The following CCSAP variants were observed in gnomAD, a reference collection of about 807,000 sequenced individuals.
The protein encoded by CCSAP is centriole, cilia and spindle-associated protein.
CCSAP carries 17 observed loss-of-function variants against 25.9 expected under a neutral mutation model. The observed-to-expected ratio is 0.66, with a 90% confidence interval of 0.45 to 0.99. The LOEUF is 0.99. Ranked by LOEUF, CCSAP falls within the 50% of genes least tolerant of loss-of-function variation. The pLI is 0.00. For missense variants in CCSAP, 339 were observed against 367.8 expected (o/e 0.92, Z 0.64); for synonymous variants, 169 against 157.1 (o/e 1.08, Z -0.57).
In CCSAP at chr1:229,322,960, A is replaced by G. The variant is rs555240675; in HGVS notation, c.*2275T>C. The G allele has an allele frequency of 6.6e-6, 1 of 152,354 alleles. No homozygotes were observed. Among genetic ancestry groups the G allele is most frequent in the African/African-American group, 2.4e-5 (1 of 41,576 alleles). 9.4% of individuals were successfully genotyped at this position (152,354 alleles called of 1,614,324 possible). ...CTTGCAGGTTGTCCCAAGAATTAGG[A>G]ACATGATTACAACCACATTCATTTC... On this transcript the variant is annotated 3_prime_UTR_variant, in exon 4 of 4. Transcript: ENST00000284617.
At chr1:229,336,713 G>A (rs182130080) in intron 2 of CCSAP, among the ~76,000 whole-genome samples, 59 of 152,298 alleles carry the variant, frequency 3.9e-4, no homozygotes, top group African/African-American at 1.4e-3. Flanking sequence ...GTAAGGAAGA[G>A]ACCAAAATTA....
intron 2 of CCSAP, among the ~76,000 whole-genome samples, chr1:229,331,465 A>C (rs567369663): frequency 2.6e-5 from 4 of 152,178 alleles, no homozygotes; most frequent in Non-Finnish European, 5.9e-5. Flanking sequence ...AGTGTATATA[A>C]GTGTGGTATT....
chr1:229,339,550 T>G lies in CCSAP; in HGVS notation c.367+2549A>C, dbSNP rs150079115. Among the ~76,000 whole-genome samples, 628 of 150,480 alleles carry G rather than the reference T, an allele frequency of 4.2e-3. 15 individuals carry two copies. Among genetic ancestry groups the G allele is most frequent in the Admixed American group, 0.026 (388 of 15,142 alleles). On this transcript the variant is annotated intron_variant, in intron 2 of 3. Transcript: ENST00000284617. Reference sequence around the variant, plus strand: ...GGGTAAACCAAGAAAGAAAATGACATGAAAGGCACACGACAGAGACTCAAA... The same window carrying G: ...GGGTAAACCAAGAAAGAAAATGACAGGAAAGGCACACGACAGAGACTCAAA...
At chr1:229,333,186 A>G (rs769910603) in intron 2 of CCSAP, among the ~76,000 whole-genome samples, 6 of 152,184 alleles carry the variant, frequency 3.9e-5, no homozygotes, top group Admixed American at 6.5e-5. Flanking sequence ...TAATCCCAGC[A>G]CTTTGGGAGG....
rs1664416101 is a variant in CCSAP, at chr1:229,323,570, C to T, written c.*1665G>A. 1 of 152,150 alleles carries T rather than the reference C, an allele frequency of 6.6e-6. No homozygotes were observed. The highest frequency in any genetic ancestry group is 6.5e-5 in the Admixed American group (1 of 15,280). 9.4% of individuals were successfully genotyped at this position (152,150 alleles called of 1,614,324 possible). ...TTAAAGACTTTAATAATAGTTAATA[C>T]CAAAATTCACCAGTTACTAGCAAGG... is the stretch of plus-strand genomic sequence containing the variant. On this transcript the variant is annotated 3_prime_UTR_variant, in exon 4 of 4. Coordinates refer to ENST00000284617, the MANE Select transcript of CCSAP (RefSeq NM_145257.5).
chr1:229,333,578 A>C (rs573967318), intron 2 of CCSAP, among the ~76,000 whole-genome samples: 1 of 151,776 alleles, frequency 6.6e-6, no homozygotes, highest in Admixed American at 6.6e-5. Context: ...CAAACTGGAC[A>C]CTTTAAATCA....
chr1:229,342,564 C>A lies in CCSAP; in HGVS notation c.-48-51G>T. 1 of 820,216 alleles carries A rather than the reference C, an allele frequency of 1.2e-6. No individual in the cohort carries two copies. The highest frequency in any genetic ancestry group is 1.6e-6 in the Non-Finnish European group (1 of 611,610). 50.8% of individuals were successfully genotyped at this position (820,216 alleles called of 1,614,324 possible). ...AGGCCGCCCCGCCCCTCCGCCGGCC[C>A]TGCCCGCCGCGACGTTTAAACCCGG... On this transcript the variant is annotated intron_variant, in intron 1 of 3. Coordinates refer to ENST00000284617, the MANE Select transcript of CCSAP (RefSeq NM_145257.5). This position sits in a 1 kb window ranked among gnomAD's most constrained non-coding sequence, Gnocchi z 7.5.
In CCSAP at chr1:229,322,127, T is replaced by C. The variant is rs1366041372; in HGVS notation, c.*3108A>G. ...TGCCCCATGGATACTGAGAGGCGACTGTACCATAACATTCCATTTACAAAG... is the reference window on the plus strand; with the variant it reads ...TGCCCCATGGATACTGAGAGGCGACCGTACCATAACATTCCATTTACAAAG... On this transcript the variant is annotated 3_prime_UTR_variant, in exon 4 of 4. Coordinates refer to ENST00000284617, the MANE Select transcript of CCSAP (RefSeq NM_145257.5). 1.3e-5 allele frequency: 2 copies of C among 152,202 alleles called. No individual in the cohort carries two copies. The highest frequency in any genetic ancestry group is 3.8e-4 in the East Asian group (2 of 5,198). The allele number at this position is 152,202 out of a possible 1,614,324, so 9.4% of individuals were successfully genotyped here. A position where few individuals can be genotyped will look rare whatever the true frequency, so the allele number is the denominator to read the frequency against.
rs1657811140 is a variant in CCSAP at position 229,321,221 on chromosome 1, CTAAA to C, written c.*4010_*4013del. The C allele has an allele frequency of 6.6e-6, 1 of 152,168 alleles. No individual in the cohort carries two copies. Among genetic ancestry groups the C allele is most frequent in the South Asian group, 2.1e-4 (1 of 4,828 alleles). 9.4% of individuals were successfully genotyped at this position (152,168 alleles called of 1,614,324 possible). On this transcript the variant is annotated 3_prime_UTR_variant, in exon 4 of 4. Transcript: ENST00000284617. Reference sequence around the variant, plus strand: ...TTACGATAGCACAGGGAAACCTTCCCTAAATAAAGTTTTGTTATTAGAAGAGAAA... The same window carrying C: ...TTACGATAGCACAGGGAAACCTTCCCTAAAGTTTTGTTATTAGAAGAGAAA...
Position 229,342,191 on chromosome 1 carries a change from T to C in CCSAP, c.275A>G (p.Glu92Gly). ...PPPVEPATQE[E>G]AERRARGAPE... ...GGCCCCGCGCGCCCGCCGTTCCGCC[T>C]CCTCCTGGGTCGCCGGCTCTACGGG... is the stretch of plus-strand genomic sequence containing the variant. The change falls in exon 2 of 4, where the codon GAG becomes GGG. Residue 92 changes from glutamate to glycine, a missense_variant. By Grantham distance (98) the Glu-to-Gly change is moderately conservative (BLOSUM62 -2). Coordinates refer to ENST00000284617, the MANE Select transcript of CCSAP (RefSeq NM_145257.5). This position sits in a 1 kb window ranked among gnomAD's most constrained non-coding sequence, Gnocchi z 7.5. The C allele has an allele frequency of 7.9e-7, 1 of 1,262,936 alleles. No homozygotes were observed. The highest frequency in any genetic ancestry group is 3.0e-5 in the South Asian group (1 of 33,490). The allele number at this position is 1,262,936 out of a possible 1,614,324, so 78.2% of individuals were successfully genotyped here.
In CCSAP at chr1:229,337,681, AT is replaced by A. The variant is rs1402269708; in HGVS notation, c.367+4417del. On this transcript the variant is annotated intron_variant, in intron 2 of 3. Coordinates refer to ENST00000284617, the MANE Select transcript of CCSAP (RefSeq NM_145257.5). ...CAAGATCAAAGGCTCAAAAAAAAAT[AT>A]ATATATATATATATATACACATACA... Among the ~76,000 whole-genome samples, 296 of 75,198 alleles carry A rather than the reference AT, an allele frequency of 3.9e-3. 19 individuals carry two copies. The highest frequency in any genetic ancestry group is 5.7e-3 in the Non-Finnish European group (202 of 35,598). The allele number at this position is 75,198 out of a possible 152,430, so 49.3% of individuals were successfully genotyped here.
At position 229,342,995 on chromosome 1, in the gene CCSAP, CCG is replaced by C. The variant is rs1271567112; in HGVS notation, c.-134_-133del. On this transcript the variant is annotated 5_prime_UTR_variant, in exon 1 of 4. Transcript: ENST00000284617. This position sits in a 1 kb window ranked among gnomAD's most constrained non-coding sequence, Gnocchi z 7.5. ...AGCAGCTAAAGCGCAGCTCGCTCTC[CCG>C]CGCGCTTTCCTCCTGAGCAAGATGT... The C allele has an allele frequency of 6.6e-6, 1 of 152,366 alleles. No homozygotes were observed. The highest frequency in any genetic ancestry group is 1.5e-5 in the Non-Finnish European group (1 of 68,064). The allele number at this position is 152,366 out of a possible 1,614,324, so 9.4% of individuals were successfully genotyped here.
In CCSAP at chr1:229,342,387, A is replaced by C. The variant is rs1231853796; in HGVS notation, c.79T>G (p.Tyr27Asp). Reference sequence around the variant, plus strand: ...AGGCGGTAGTGCAGCAGCTCGCGGTAGCACGGCCCGTACTCCTCCCAGCGC... The same window carrying C: ...AGGCGGTAGTGCAGCAGCTCGCGGTCGCACGGCCCGTACTCCTCCCAGCGC... Reference protein sequence around the residue: ...EPRWEEYGPCYRELLHYRLGR... With the variant: ...EPRWEEYGPCDRELLHYRLGR... The change falls in exon 2 of 4, where the codon TAC becomes GAC. Residue 27 changes from tyrosine to aspartate, a missense_variant. Transcript: ENST00000284617. The surrounding 1 kb of genome is among the most constrained non-coding windows in gnomAD (Gnocchi z 7.5). 1 of 1,503,714 alleles carries C rather than the reference A, an allele frequency of 6.7e-7. No individual in the cohort carries two copies. The highest frequency in any genetic ancestry group is 8.9e-7 in the Non-Finnish European group (1 of 1,123,784). The allele number at this position is 1,503,714 out of a possible 1,614,324, so 93.1% of individuals were successfully genotyped here. A position where few individuals can be genotyped will look rare whatever the true frequency, so the allele number is the denominator to read the frequency against.
intron 2 of CCSAP, among the ~76,000 whole-genome samples, chr1:229,335,557 C>T (rs1658177285): frequency 1.3e-5 from 2 of 152,132 alleles, no homozygotes; most frequent in South Asian, 4.2e-4. Flanking sequence ...TAATAACTTC[C>T]CCAGTGAAGG....
Position 229,342,523 on chromosome 1 carries a change from C to G in CCSAP, c.-48-10G>C, listed in dbSNP as rs909122490. On this transcript the variant is annotated splice_polypyrimidine_tract_variant and intron_variant, in intron 1 of 3. Coordinates refer to ENST00000284617, the MANE Select transcript of CCSAP (RefSeq NM_145257.5). This position sits in a 1 kb window ranked among gnomAD's most constrained non-coding sequence, Gnocchi z 7.5. ...CCTCGCTGCCCGCAGCCTACGGGAC[C>G]CGGTACACGACACAGAGGCCGCCCC... The G allele has an allele frequency of 1.0e-5, 12 of 1,205,480 alleles. No individual in the cohort carries two copies. Among genetic ancestry groups the G allele is most frequent in the Non-Finnish European group, 1.3e-5 (12 of 941,472 alleles). 74.7% of individuals were successfully genotyped at this position (1,205,480 alleles called of 1,614,324 possible). A position where few individuals can be genotyped will look rare whatever the true frequency, so the allele number is the denominator to read the frequency against.
At position 229,342,523 on chromosome 1, in the gene CCSAP, C is replaced by A. The variant is rs909122490; in HGVS notation, c.-48-10G>T. The A allele has an allele frequency of 7.5e-6, 9 of 1,205,480 alleles. No homozygotes were observed. Among genetic ancestry groups the A allele is most frequent in the Non-Finnish European group, 9.6e-6 (9 of 941,472 alleles). The allele number at this position is 1,205,480 out of a possible 1,614,324, so 74.7% of individuals were successfully genotyped here. A position where few individuals can be genotyped will look rare whatever the true frequency, so the allele number is the denominator to read the frequency against. ...CCTCGCTGCCCGCAGCCTACGGGAC[C>A]CGGTACACGACACAGAGGCCGCCCC... On this transcript the variant is annotated splice_polypyrimidine_tract_variant and intron_variant, in intron 1 of 3. Transcript: ENST00000284617. The surrounding 1 kb of genome is among the most constrained non-coding windows in gnomAD (Gnocchi z 7.5).
Position 229,335,511 on chromosome 1 carries a change from T to C in CCSAP, c.367+6588A>G, listed in dbSNP as rs77651422. On this transcript the variant is annotated intron_variant, in intron 2 of 3. Coordinates refer to ENST00000284617, the MANE Select transcript of CCSAP (RefSeq NM_145257.5). ...TCCTCCCCTTGAACCTGGGCAGACT[T>C]TTATATTAGGTTGGTGTCAAAATAA... 6.2e-3 allele frequency among the ~76,000 whole-genome samples: 944 copies of C among 152,262 alleles called. 8 individuals carry two copies. Among genetic ancestry groups the C allele is most frequent in the African/African-American group, 0.021 (881 of 41,534 alleles).
intron 2 of CCSAP, 79 bp from the exon 3 acceptor site, chr1:229,327,085 CATA>C (rs1186250578): frequency 8.2e-7 from 1 of 1,224,114 alleles, no homozygotes; most frequent in African/African-American, 1.5e-5. Flanking sequence ...GTTGAAAAAT[CATA>C]ATGCTTAAGA....
In CCSAP at chr1:229,325,314, T is replaced by G; in HGVS notation, c.734A>C (p.Lys245Thr). The change falls in exon 4 of 4, where the codon AAG becomes ACG. Residue 245 changes from lysine (K) to threonine (T), a missense_variant. Lys to Thr is a moderately conservative substitution (Grantham distance 78). Transcript: ENST00000284617. ...GGAGGAAGCCTTCATCTTTCTGTTC[T>G]TCTCCACATCCACAGAGTGAGCTCG... ...RQRAHSVDVEKNRKMKASSSE... is the reference protein window; with the variant it reads ...RQRAHSVDVETNRKMKASSSE... 6.2e-7 allele frequency: 1 copy of G among 1,614,224 alleles called. No individual in the cohort carries two copies. The highest frequency in any genetic ancestry group is 1.1e-5 in the South Asian group (1 of 91,084).
Sources: allele counts gnomAD v4.1 joint callset (sites outside exome capture counted in the v4.1 genomes callset), GRCh38; gene constraint gnomAD v4.1.1; non-coding constraint Gnocchi (gnomAD v3.1); transcripts MANE v1.5; gene names NCBI Gene and HGNC (gene_info 2026-07-23, HGNC 2026-07-21).